The following FSTL5 variants were observed in gnomAD, a reference collection of about 807,000 sequenced individuals.
FSTL5 encodes the protein follistatin-related protein 5.
In FSTL5, 62 loss-of-function variants were observed where a neutral mutation model predicts 89.1. That is an observed-to-expected ratio of 0.70 (90% CI 0.57 to 0.86). The LOEUF is 0.86. FSTL5 is among the 40% of genes least tolerant of loss of function. FSTL5 has a pLI of 0.00. For synonymous variants in FSTL5, 383 were observed against 346.2 expected (o/e 1.11, Z -1.18); for missense variants, 1,057 against 1,001.6 (o/e 1.06, Z -0.75).
At chr4:161,972,058 C>T (rs1314567875) in intron 3 of FSTL5, among the ~76,000 whole-genome samples, 1 of 152,214 alleles carries the variant, frequency 6.6e-6, no homozygotes, top group East Asian at 1.9e-4. Flanking sequence ...GCCACTGCTC[C>T]ACTTCTCTGA....
At position 161,685,041 on chromosome 4, in the gene FSTL5, G is replaced by A. The variant is rs183942864; in HGVS notation, c.728-28547C>T. Among the ~76,000 whole-genome samples the A allele has an allele frequency of 1.2e-4, 18 of 151,988 alleles. No homozygotes were observed. In the East Asian group the frequency reaches 1.9e-3, roughly 16 times the overall value. ...TTTTTATTTTTTTGTTTGCTTTGTC[G>A]AAGATCAGTTGGCTGTAAGTATTTG... On this transcript the variant is annotated intron_variant, in intron 6 of 15. Coordinates refer to ENST00000306100, the MANE Select transcript of FSTL5 (RefSeq NM_020116.5).
intron 7 of FSTL5, among the ~76,000 whole-genome samples, chr4:161,599,245 G>A (rs960119795): frequency 6.6e-6 from 1 of 151,860 alleles, no homozygotes; most frequent in African/African-American, 2.4e-5. Context: ...CTGCAACAAC[G>A]AAGAAACCAT....
intron 3 of FSTL5, among the ~76,000 whole-genome samples, chr4:161,963,257 C>T (rs1027242186): frequency 6.6e-6 from 1 of 151,764 alleles, no homozygotes; most frequent in Non-Finnish European, 1.5e-5. Flanking sequence ...TCTTAAGACA[C>T]AGAAATGTTC....
chr4:161,857,896 T>C (rs1313942867), intron 4 of FSTL5, among the ~76,000 whole-genome samples: 2 of 152,160 alleles, frequency 1.3e-5, no homozygotes, highest in African/African-American at 4.8e-5. Flanking sequence ...GTCAGTTAAC[T>C]GTTGAGGGGA....
At chr4:161,852,029 T>C (rs1344314560) in intron 4 of FSTL5, among the ~76,000 whole-genome samples, 2 of 152,064 alleles carry the variant, frequency 1.3e-5, no homozygotes, top group Admixed American at 6.6e-5. Context: ...TATCAGAAAA[T>C]GCATTGTAAA....
chr4:161,790,020 C>T (rs1729405349), intron 4 of FSTL5, among the ~76,000 whole-genome samples: 1 of 152,134 alleles, frequency 6.6e-6, no homozygotes. Flanking sequence ...CATATTTATA[C>T]TACCAGTTTA....
chr4:162,091,985 TATAA>T (rs1730568013), intron 2 of FSTL5, among the ~76,000 whole-genome samples: 2 of 151,330 alleles, frequency 1.3e-5, no homozygotes, highest in African/African-American at 2.4e-5. Flanking sequence ...ATATTTTCTA[TATAA>T]ATATAGAATT....
intron 6 of FSTL5, among the ~76,000 whole-genome samples, chr4:161,753,987 A>T (rs936447748): frequency 2.8e-5 from 4 of 144,478 alleles, no homozygotes; most frequent in Non-Finnish European, 6.0e-5. Flanking sequence ...GCTTGCAGTG[A>T]GCCGAGATCG....
intron 3 of FSTL5, among the ~76,000 whole-genome samples, chr4:162,009,001 A>C (rs2111125227): frequency 6.6e-6 from 1 of 152,220 alleles, no homozygotes; most frequent in East Asian, 1.9e-4. Context: ...GAAATTTAAA[A>C]ATTAATCTTT....
intron 3 of FSTL5, among the ~76,000 whole-genome samples, chr4:161,999,128 A>G (rs1736387755): frequency 6.6e-6 from 1 of 152,218 alleles, no homozygotes; most frequent in Non-Finnish European, 1.5e-5. Context: ...TAAGGAGCAT[A>G]GAATTTTATT....
intron 8 of FSTL5, among the ~76,000 whole-genome samples, chr4:161,582,328 T>C (rs1407059464): frequency 6.6e-6 from 1 of 152,166 alleles, no homozygotes; most frequent in Non-Finnish European, 1.5e-5. Context: ...ATGAAAAATA[T>C]AAGATGAGTT....
chr4:161,992,884 A>ATGTGTGTG (rs1452529020), intron 3 of FSTL5, among the ~76,000 whole-genome samples: 27 of 21,458 alleles, frequency 1.3e-3, no homozygotes, highest in African/African-American at 2.9e-3. Flanking sequence ...ATATATATAT[A>ATGTGTGTG]TATATATATA....
chr4:161,404,837 A>G (rs1055478253), intron 15 of FSTL5, among the ~76,000 whole-genome samples: 1 of 152,112 alleles, frequency 6.6e-6, no homozygotes, highest in African/African-American at 2.4e-5. Flanking sequence ...AAAAACTAGG[A>G]AAGTCGGACC....
chr4:161,934,585 A>T (rs1404140671), intron 3 of FSTL5, among the ~76,000 whole-genome samples: 2 of 152,040 alleles, frequency 1.3e-5, no homozygotes, highest in African/African-American at 4.8e-5. Flanking sequence ...TTCCATCAGT[A>T]ACTAGCTGTG....
intron 1 of FSTL5, among the ~76,000 whole-genome samples, chr4:162,158,342 G>A (rs1219114646): frequency 6.6e-6 from 1 of 152,068 alleles, no homozygotes; most frequent in African/African-American, 2.4e-5. Context: ...GTCAATTAAT[G>A]TAGCATCTTT....
At chr4:161,636,462 T>C (rs1461940002) in intron 7 of FSTL5, among the ~76,000 whole-genome samples, 58 of 23,128 alleles carry the variant, frequency 2.5e-3, no homozygotes, top group African/African-American at 7.1e-3. Context: ...TTTTTTTTCT[T>C]TTTTTTTTTT....
intron 7 of FSTL5, among the ~76,000 whole-genome samples, chr4:161,617,551 A>T (rs1006152576): frequency 6.6e-6 from 1 of 152,188 alleles, no homozygotes; most frequent in African/African-American, 2.4e-5. Context: ...ACAGTAAGAA[A>T]ATCATACCTA....
intron 15 of FSTL5, among the ~76,000 whole-genome samples, chr4:161,403,853 T>C (rs1731268871): frequency 6.6e-6 from 1 of 152,154 alleles, no homozygotes. Context: ...CAGAGTCAAC[T>C]TTGTTGGAGT....
At chr4:161,459,098 A>C (rs912639214) in intron 14 of FSTL5, 114 bp downstream of exon 14, 2 of 713,296 alleles carry the variant, frequency 2.8e-6, no homozygotes, top group South Asian at 4.1e-5. Flanking sequence ...AGTTATGATT[A>C]AAGCTGTAGT....
Sources: gnomAD v4.1 joint callset for allele counts (sites outside exome capture counted in the v4.1 genomes callset) on GRCh38, gnomAD v4.1.1 for gene constraint, MANE v1.5 for transcripts, NCBI Gene and HGNC (gene_info 2026-07-23, HGNC 2026-07-21) for gene names.